ACO2: variants seen among roughly 807,000 people sequenced by gnomAD.
ACO2 encodes aconitate hydratase, mitochondrial.
ACO2 carries 31 observed loss-of-function variants against 84.5 expected under a neutral mutation model. The observed-to-expected ratio is 0.37, with a 90% CI of 0.28 to 0.50. ACO2 has a LOEUF of 0.50. Among genes scored for constraint, ACO2 ranks in the 20% least tolerant of loss-of-function variants. ACO2 has a pLI of 0.97. For synonymous variants in ACO2, 414 were observed against 412.7 expected (o/e 1.00, Z -0.04); for missense variants, 685 against 1,029.3 (o/e 0.67, Z 4.58).
intron 2 of ACO2, among the ~76,000 whole-genome samples, chr22:41,503,348 A>G (rs963501674): frequency 2.0e-5 from 3 of 151,460 alleles, no homozygotes; most frequent in African/African-American, 7.3e-5. Context: ...TTTTTTTGAA[A>G]CGGAGTCTCG....
intron 15 of ACO2, 56 bp downstream of exon 15, chr22:41,526,509 G>A: frequency 6.4e-7 from 1 of 1,556,042 alleles, no homozygotes; most frequent in Non-Finnish European, 8.7e-7. Flanking sequence ...GGGCCTGCAA[G>A]GCAGGTGCAG....
rs1215196938 is a variant in ACO2 at position 41,515,693 on chromosome 22, C to G, written c.685-74C>G. On this transcript the variant is annotated intron_variant, in intron 5 of 17. Transcript: ENST00000216254. This position sits in a 1 kb window ranked among gnomAD's most constrained non-coding sequence, Gnocchi z 5.8. Reference sequence around the variant, plus strand: ...CAATAAGCAGCAATGTGAATGGCAGCAGGGCCATCCTGACTTCGTGGCTGG... The same window carrying G: ...CAATAAGCAGCAATGTGAATGGCAGGAGGGCCATCCTGACTTCGTGGCTGG... The G allele has an allele frequency of 1.2e-5, 20 of 1,607,122 alleles. No individual in the cohort carries two copies. The highest frequency in any genetic ancestry group is 1.7e-5 in the Non-Finnish European group (20 of 1,176,230).
chr22:41,506,901 G>T (rs910073437), intron 2 of ACO2, among the ~76,000 whole-genome samples: 3 of 151,936 alleles, frequency 2.0e-5, no homozygotes, highest in Non-Finnish European at 4.4e-5. Context: ...CAGCCCCTTT[G>T]CTCTGTTGTG....
At chr22:41,493,657 C>T (rs943753346) in intron 1 of ACO2, among the ~76,000 whole-genome samples, 3 of 152,112 alleles carry the variant, frequency 2.0e-5, no homozygotes, top group Admixed American at 6.6e-5. Context: ...AATTCCATTC[C>T]TTGGCTGGGT....
intron 1 of ACO2, among the ~76,000 whole-genome samples, chr22:41,476,179 A>T (rs2038011170): frequency 6.6e-6 from 1 of 152,140 alleles, no homozygotes; most frequent in Non-Finnish European, 1.5e-5. Flanking sequence ...AGCCCAAGGC[A>T]GGTGGATCAC....
intron 8 of ACO2, among the ~76,000 whole-genome samples, chr22:41,519,271 G>A (rs542806965): frequency 2.0e-4 from 30 of 152,328 alleles, no homozygotes; most frequent in Admixed American, 6.5e-4. Flanking sequence ...AGAGGATCCC[G>A]TCTGCAGGAG....
chr22:41,522,409 G>T (rs539024799), intron 9 of ACO2, among the ~76,000 whole-genome samples: 1 of 152,290 alleles, frequency 6.6e-6, no homozygotes. Flanking sequence ...TTTTTAAAAA[G>T]AACTCTTATT....
At chr22:41,469,467 C>A (rs190406594) in intron 1 of ACO2, 33 of 437,292 alleles carry the variant, frequency 7.5e-5, no homozygotes, top group African/African-American at 6.4e-4. Context: ...TTTTTGAGGA[C>A]AGCATTGCCT....
intron 12 of ACO2, 137 bp from the exon 13 acceptor site, chr22:41,524,709 C>T (rs1437665660): frequency 7.2e-7 from 1 of 1,390,020 alleles, no homozygotes; most frequent in Non-Finnish European, 9.9e-7. Context: ...GCTCTGGCCT[C>T]TGAGGAACAC....
intron 2 of ACO2, among the ~76,000 whole-genome samples, chr22:41,504,982 T>C (rs539121064): frequency 1.3e-5 from 2 of 152,058 alleles, no homozygotes; most frequent in Admixed American, 1.3e-4. Flanking sequence ...CCTAAAGTGC[T>C]AGGATGACAA....
intron 3 of ACO2, among the ~76,000 whole-genome samples, chr22:41,510,315 C>T (rs1288505261): frequency 6.6e-6 from 1 of 152,156 alleles, no homozygotes; most frequent in African/African-American, 2.4e-5. Context: ...GACGTGTAGT[C>T]ACATGCGCCC....
chr22:41,469,453 C>T (rs2037914338), intron 1 of ACO2: 3 of 452,522 alleles, frequency 6.6e-6, no homozygotes, highest in African/African-American at 2.0e-5. Flanking sequence ...GCACCTCTTT[C>T]TTCTTTTTGA....
At chr22:41,504,470 G>A (rs1056403327) in intron 2 of ACO2, among the ~76,000 whole-genome samples, 11 of 152,164 alleles carry the variant, frequency 7.2e-5, no homozygotes, top group Admixed American at 6.5e-4. Context: ...GCATTGCTGA[G>A]CTTTTTTATA....
chr22:41,512,068 G>A, intron 4 of ACO2, 100 bp downstream of exon 4: 1 of 799,054 alleles, frequency 1.3e-6, no homozygotes, highest in Non-Finnish European at 1.9e-6. Flanking sequence ...GGGCTGAGGG[G>A]AACTGGATGA....
At chr22:41,521,035 CAAAAAAAAAAAAAAAAA>C (rs375633363) in intron 9 of ACO2, among the ~76,000 whole-genome samples, 3 of 81,634 alleles carry the variant, frequency 3.7e-5, no homozygotes, top group Non-Finnish European at 6.7e-5. Context: ...AGCCTGCCTC[CAAAAAAAAAAAAAAAAA>C]AAAAAAAGAA....
intron 1 of ACO2, among the ~76,000 whole-genome samples, chr22:41,495,803 G>A (rs375531602): frequency 3.3e-5 from 5 of 150,486 alleles, no homozygotes; most frequent in East Asian, 2.0e-4. Flanking sequence ...GGGTTTCACC[G>A]TGTTAGCCAG....
chr22:41,506,022 G>T (rs749881702), intron 2 of ACO2, among the ~76,000 whole-genome samples: 3 of 152,120 alleles, frequency 2.0e-5, no homozygotes, highest in Admixed American at 6.5e-5. Context: ...GAGGAGAGCA[G>T]TTGCTTATCT....
chr22:41,491,948 A>G (rs1312301603), intron 1 of ACO2, among the ~76,000 whole-genome samples: 1 of 152,168 alleles, frequency 6.6e-6, no homozygotes, highest in African/African-American at 2.4e-5. Flanking sequence ...ATGAGGTGAG[A>G]GGGACTGGCC....
chr22:41,503,655 G>C (rs980199109), intron 2 of ACO2, among the ~76,000 whole-genome samples: 2 of 152,134 alleles, frequency 1.3e-5, no homozygotes, highest in African/African-American at 4.8e-5. Flanking sequence ...TGTTGCCACA[G>C]AGCAGGTCTC....
Sources: gnomAD v4.1 joint callset for allele counts (sites outside exome capture counted in the v4.1 genomes callset) on GRCh38, gnomAD v4.1.1 for gene constraint, Gnocchi (gnomAD v3.1) non-coding constraint, MANE v1.5 for transcripts, NCBI Gene and HGNC (gene_info 2026-07-23, HGNC 2026-07-21) for gene names.